The following GNB4 variants were observed in gnomAD, a reference collection of about 807,000 sequenced individuals.
GNB4 encodes the protein G protein subunit beta 4.
Under a neutral mutation model 45.2 loss-of-function variants are expected in GNB4, and 28 were observed. That is an observed-to-expected ratio of 0.62 (90% CI 0.46 to 0.85). The LOEUF is 0.85. GNB4 is among the 40% of genes least tolerant of loss of function. The probability of loss-of-function intolerance (pLI) is 0.00; values close to 1 mark genes in which losing one functional copy is unlikely to be tolerated. For synonymous variants in GNB4, 132 were observed against 143.7 expected, an observed-to-expected ratio of 0.92 and a Z score of 0.58; for missense variants, 321 against 425.4, an observed-to-expected ratio of 0.75 and a Z score of 2.16.
chr3:179,408,816 C>CA (rs148677573), intron 8 of GNB4, among the ~76,000 whole-genome samples: 27,441 of 137,554 alleles, frequency 0.2, 2,975 homozygotes, highest in East Asian at 0.36. Flanking sequence ...GAAAGAAACT[C>CA]AAAAAAAAAA....
rs1714234004 is a variant in GNB4, at chr3:179,399,868, C to CT, written c.*1344dup. ...AATCTTCTATTATCAGTCATTTAGA[C>CT]TTATTTGTAAAAGAGAATCCAACAG... On this transcript the variant is annotated 3_prime_UTR_variant, in exon 10 of 10. Transcript: ENST00000232564. The CT allele has an allele frequency of 6.6e-6, 1 of 152,304 alleles. No individual in the cohort carries two copies. Among genetic ancestry groups the CT allele is most frequent in the Admixed American group, 6.5e-5 (1 of 15,292 alleles). 9.4% of individuals were successfully genotyped at this position (152,304 alleles called of 1,614,324 possible). A position where few individuals can be genotyped will look rare whatever the true frequency, so the allele number is the denominator to read the frequency against.
At chr3:179,497,303 T>C in the GNB4 span, among the ~76,000 whole-genome samples, 20 of 152,158 alleles carry the variant, frequency 1.3e-4, no homozygotes, top group African/African-American at 4.6e-4. Context: ...GATATCTACA[T>C]GAAAAGAAGG....
the GNB4 span, among the ~76,000 whole-genome samples, chr3:179,496,603 T>A: frequency 1.3e-5 from 2 of 152,110 alleles, no homozygotes; most frequent in African/African-American, 4.8e-5. Context: ...AGAAACTCAC[T>A]TTAGCTGTAA....
chr3:179,483,293 A>G, the GNB4 span, among the ~76,000 whole-genome samples: 1 of 152,096 alleles, frequency 6.6e-6, no homozygotes, highest in South Asian at 2.1e-4. Context: ...TTTAAAACCC[A>G]GGGCTGAGAA....
intron 1 of GNB4, among the ~76,000 whole-genome samples, chr3:179,432,608 G>A (rs1018317403): frequency 2.0e-5 from 3 of 152,188 alleles, no homozygotes; most frequent in Non-Finnish European, 1.5e-5. Flanking sequence ...AGGATCCAAA[G>A]TGGCCAAACT....
At chr3:179,484,257 G>A in the GNB4 span, among the ~76,000 whole-genome samples, 3 of 152,182 alleles carry the variant, frequency 2.0e-5, no homozygotes, top group South Asian at 2.1e-4. Flanking sequence ...CTAAGATTTA[G>A]AATTGGTTAA....
intron 8 of GNB4, 69 bp from the exon 9 acceptor site, chr3:179,405,475 A>G: frequency 9.4e-7 from 1 of 1,060,802 alleles, no homozygotes. Context: ...ATGTAATAAT[A>G]GACAAATCTA....
At chr3:179,415,982 A>G (rs913652466) in intron 5 of GNB4, among the ~76,000 whole-genome samples, 1 of 104,202 alleles carries the variant, frequency 9.6e-6, no homozygotes, top group African/African-American at 3.2e-5. Context: ...CCACTCAACT[A>G]TTTTAAACTG....
intron 9 of GNB4, among the ~76,000 whole-genome samples, chr3:179,401,582 CATCTT>C (rs1292977463): frequency 5.9e-5 from 9 of 152,222 alleles, no homozygotes; most frequent in East Asian, 1.9e-4. Context: ...TTTGAAAAAT[CATCTT>C]ATAATTCAAC....
rs1406550237 is a variant in GNB4, at chr3:179,397,057, CATAAT to C, written c.*4151_*4155del. 1 of 152,084 alleles carries C rather than the reference CATAAT, an allele frequency of 6.6e-6. No individual in the cohort carries two copies. The highest frequency in any genetic ancestry group is 1.9e-4 in the East Asian group (1 of 5,188). The allele number at this position is 152,084 out of a possible 1,614,324, so 9.4% of individuals were successfully genotyped here. A position where few individuals can be genotyped will look rare whatever the true frequency, so the allele number is the denominator to read the frequency against. On this transcript the variant is annotated 3_prime_UTR_variant, in exon 10 of 10. Transcript: ENST00000232564. Reference sequence around the variant, plus strand: ...AATGGCAAAAAGGAAAGAATTTGAACATAATATTTAATTTTTAAAAAAATTCAGCC... The same window carrying C: ...AATGGCAAAAAGGAAAGAATTTGAACATTTAATTTTTAAAAAAATTCAGCC...
chr3:179,445,379 C>T (rs1005976108), intron 1 of GNB4, among the ~76,000 whole-genome samples: 3 of 152,020 alleles, frequency 2.0e-5, no homozygotes, highest in Non-Finnish European at 4.4e-5. Context: ...CTGCCTCTTG[C>T]GCTCAATCAA....
intron 1 of GNB4, 80 bp downstream of exon 1, chr3:179,451,266 C>A (rs1715866433): frequency 6.6e-6 from 1 of 151,516 alleles, no homozygotes; most frequent in Admixed American, 6.6e-5. Flanking sequence ...TGGCTCGCGG[C>A]GCCCCACGTC....
the GNB4 span, among the ~76,000 whole-genome samples, chr3:179,512,245 T>C: frequency 6.6e-6 from 1 of 152,208 alleles, no homozygotes; most frequent in Admixed American, 6.5e-5. Flanking sequence ...CCCCCAAAAC[T>C]GTGGCTAAAT....
chr3:179,513,773 G>A, the GNB4 span, among the ~76,000 whole-genome samples: 1 of 151,938 alleles, frequency 6.6e-6, no homozygotes, highest in Non-Finnish European at 1.5e-5. Context: ...AAAAGTTATT[G>A]CATTCAACAG....
chr3:179,492,225 G>A, the GNB4 span, among the ~76,000 whole-genome samples: 9 of 152,250 alleles, frequency 5.9e-5, no homozygotes, highest in African/African-American at 1.4e-4. Flanking sequence ...GCCTTCACCA[G>A]GAAGGACCTC....
the GNB4 span, among the ~76,000 whole-genome samples, chr3:179,461,875 A>T: frequency 6.6e-6 from 1 of 152,206 alleles, no homozygotes; most frequent in Non-Finnish European, 1.5e-5. Flanking sequence ...TGTATCCTTC[A>T]TGGCACCAAA....
At chr3:179,454,418 G>A (rs9809291), upstream of GNB4, among the ~76,000 whole-genome samples, 10,381 of 152,180 alleles carry the variant, frequency 0.068, 517 homozygotes, top group Middle Eastern at 0.25. Context: ...CATCCCACAC[G>A]CTAGTCAGAA....
chr3:179,491,608 T>A, the GNB4 span, among the ~76,000 whole-genome samples: 1 of 152,252 alleles, frequency 6.6e-6, no homozygotes, highest in African/African-American at 2.4e-5. Context: ...GACCCCAAGC[T>A]GACTGAAGCT....
intron 1 of GNB4, among the ~76,000 whole-genome samples, chr3:179,437,404 A>C (rs1002355151): frequency 6.6e-6 from 1 of 151,744 alleles, no homozygotes; most frequent in Admixed American, 6.6e-5. Context: ...ATCTCTACTA[A>C]AAATACAAAA....
Sources: gnomAD v4.1 joint callset for allele counts (sites outside exome capture counted in the v4.1 genomes callset) on GRCh38, gnomAD v4.1.1 for gene constraint, MANE v1.5 for transcripts, NCBI Gene and HGNC (gene_info 2026-07-23, HGNC 2026-07-21) for gene names.